The following BTBD2 variants were observed in gnomAD, a reference collection of about 807,000 sequenced individuals.
BTBD2 encodes the protein BTB domain containing 2, also known as BTB/POZ domain-containing protein 2.
In BTBD2, 15 loss-of-function variants were observed where a neutral mutation model predicts 44.0. The ratio of observed to expected loss-of-function variants is 0.34; its 90% confidence interval spans 0.23 to 0.53. The LOEUF (loss-of-function observed/expected upper bound fraction) is 0.53, where lower values mean the gene tolerates loss of function less well. Among genes scored for constraint, BTBD2 ranks in the 20% least tolerant of loss-of-function variants. The pLI is 0.95. For synonymous variants in BTBD2, 443 were observed against 335.9 expected, an observed-to-expected ratio of 1.32 and a Z score of -3.49; for missense variants, 657 against 746.4, an observed-to-expected ratio of 0.88 and a Z score of 1.39.
intron 1 of BTBD2, among the ~76,000 whole-genome samples, chr19:2,001,488 A>C (rs994907607): frequency 6.6e-6 from 1 of 152,130 alleles, no homozygotes; most frequent in African/African-American, 2.4e-5. Context: ...CTGAGACTCC[A>C]TCTCAAAAAG....
chr19:1,987,351 CCT>C lies in BTBD2; in HGVS notation c.1182-100_1182-99del, dbSNP rs2016103044. The C allele has an allele frequency of 5.5e-6, 8 of 1,456,774 alleles. No homozygotes were observed. The South Asian group carries it at 9.8e-5, about 18-fold the overall frequency. 90.2% of individuals were successfully genotyped at this position (1,456,774 alleles called of 1,614,324 possible). On this transcript the variant is annotated intron_variant, in intron 6 of 8. Coordinates refer to ENST00000255608, the MANE Select transcript of BTBD2 (RefSeq NM_017797.4). ...CCCATGCCCGGTCCCCTCCATCGTC[CCT>C]GAGTCCTCCACCCCCATGCCCGGCG...
chr19:1,987,190 G>A lies in BTBD2; in HGVS notation c.1245C>T (p.Pro415=), dbSNP rs775844635. The change falls in exon 7 of 9, where the codon CCC becomes CCT. Residue 415 remains proline (P), a synonymous_variant. Coordinates refer to ENST00000255608, the MANE Select transcript of BTBD2 (RefSeq NM_017797.4). The part of the protein sequence containing the change: ...GFGLYGSIHG[P]TDYQVNIQII... ...CCTGGATGTTCACTTGGTAGTCGGT[G>A]GGCCCGTGGATGGATCCATACAGCC... 20 of 1,613,706 alleles carry A rather than the reference G, an allele frequency of 1.2e-5. No individual in the cohort carries two copies. The highest frequency in any genetic ancestry group is 4.0e-5 in the African/African-American group (3 of 74,882).
At chr19:2,006,832 G>A (rs2016400823) in intron 1 of BTBD2, among the ~76,000 whole-genome samples, 1 of 151,950 alleles carries the variant, frequency 6.6e-6, no homozygotes, top group Non-Finnish European at 1.5e-5. Flanking sequence ...GGGATTACAG[G>A]TGCTCACCAC....
At chr19:1,986,693 G>GGGAT (rs1187386263) in intron 8 of BTBD2, 44 bp from the exon 9 acceptor site, 1 of 1,604,260 alleles carries the variant, frequency 6.2e-7, no homozygotes, top group Admixed American at 1.7e-5. Context: ...CCACCAGGCT[G>GGGAT]GGATGCCCCA....
chr19:1,992,210 G>C (rs1161495154), intron 3 of BTBD2, among the ~76,000 whole-genome samples: 2 of 151,880 alleles, frequency 1.3e-5, no homozygotes, highest in East Asian at 2.0e-4. Flanking sequence ...TTCCTGCTTT[G>C]GTCCCCCAAG....
chr19:2,015,397 C>T lies in BTBD2; in HGVS notation c.307G>A (p.Val103Met). Reference protein sequence around the residue: ...AYNWQASKPTVQERFAFLFNN... With the variant: ...AYNWQASKPTMQERFAFLFNN... ...AAGAGGAAGGCGAAGCGCTCCTGCA[C>T]GGTGGGCTTGCTGGCCTGCCAGTTG... Residue 103 changes from valine (V) to methionine (M), a missense_variant, in exon 1 of 9, where the codon GTG (valine) becomes ATG (methionine). This residue lies in a region of BTBD2 where 191 missense variants were observed against 188.5 expected (regional missense o/e 1.01). Coordinates refer to ENST00000255608, the MANE Select transcript of BTBD2 (RefSeq NM_017797.4). The T allele has an allele frequency of 6.4e-7, 1 of 1,561,784 alleles. No homozygotes were observed. Among genetic ancestry groups the T allele is most frequent in the Non-Finnish European group, 8.6e-7 (1 of 1,162,430 alleles).
intron 1 of BTBD2, among the ~76,000 whole-genome samples, chr19:2,002,142 C>T (rs923394218): frequency 5.9e-5 from 9 of 152,128 alleles, no homozygotes; most frequent in Admixed American, 4.6e-4. Context: ...AGTGCAGTGG[C>T]ACGATCATAG....
chr19:1,992,310 G>A (rs1335067317), intron 3 of BTBD2, among the ~76,000 whole-genome samples: 6 of 152,068 alleles, frequency 3.9e-5, no homozygotes, highest in Non-Finnish European at 5.9e-5. Flanking sequence ...ATGTTGGCCA[G>A]GCTGGTCTCA....
At chr19:1,997,958 T>G (rs1200985087) in intron 1 of BTBD2, among the ~76,000 whole-genome samples, 2 of 152,218 alleles carry the variant, frequency 1.3e-5, no homozygotes, top group Admixed American at 6.5e-5. Context: ...CTCATACACA[T>G]GCACTCATTC....
chr19:1,992,216 C>A (rs1056694711), intron 3 of BTBD2, among the ~76,000 whole-genome samples: 1 of 152,068 alleles, frequency 6.6e-6, no homozygotes. Context: ...CTTTGGTCCC[C>A]CAAGTAGTTG....
At chr19:1,995,867 G>A (rs980746062) in intron 2 of BTBD2, among the ~76,000 whole-genome samples, 1 of 151,884 alleles carries the variant, frequency 6.6e-6, no homozygotes, top group African/African-American at 2.4e-5. Flanking sequence ...ATGTTAGCCA[G>A]CATGGTCTCA....
intron 1 of BTBD2, among the ~76,000 whole-genome samples, chr19:2,006,826 T>C (rs1391095176): frequency 6.6e-6 from 1 of 152,078 alleles, no homozygotes; most frequent in Non-Finnish European, 1.5e-5. Context: ...GTAGCTGGGA[T>C]TACAGGTGCT....
intron 1 of BTBD2, among the ~76,000 whole-genome samples, chr19:2,007,681 C>T (rs1337597479): frequency 6.6e-6 from 1 of 152,130 alleles, no homozygotes; most frequent in Admixed American, 6.6e-5. Context: ...CAAAAATTAG[C>T]CGGGTGTGGT....
At chr19:2,013,307 G>A (rs1008496852) in intron 1 of BTBD2, among the ~76,000 whole-genome samples, 6 of 152,194 alleles carry the variant, frequency 3.9e-5, no homozygotes, top group Non-Finnish European at 7.3e-5. Context: ...CCGGGGAGTG[G>A]AGGGAACCTG....
chr19:1,987,158 G>A lies in BTBD2; in HGVS notation c.1269+8C>T, dbSNP rs754925188. ...GTGGGGCCTGGGGATGAGGCTTGGGGCTGGTACCTGGATGTTCACTTGGTA... is the reference window on the plus strand; with the variant it reads ...GTGGGGCCTGGGGATGAGGCTTGGGACTGGTACCTGGATGTTCACTTGGTA... On this transcript the variant is annotated splice_region_variant and intron_variant, in intron 7 of 8. Coordinates refer to ENST00000255608, the MANE Select transcript of BTBD2 (RefSeq NM_017797.4). The A allele has an allele frequency of 6.2e-7, 1 of 1,613,304 alleles. No individual in the cohort carries two copies. Among genetic ancestry groups the A allele is most frequent in the South Asian group, 1.1e-5 (1 of 91,074 alleles).
chr19:2,009,996 A>ACTAC (rs2016443377), intron 1 of BTBD2, among the ~76,000 whole-genome samples: 2 of 108,908 alleles, frequency 1.8e-5, no homozygotes, highest in Admixed American at 1.9e-4. Flanking sequence ...TCTACTAAAA[A>ACTAC]ATACAATTAG....
At chr19:1,996,044 G>A (rs1370240688) in intron 2 of BTBD2, among the ~76,000 whole-genome samples, 3 of 152,072 alleles carry the variant, frequency 2.0e-5, no homozygotes, top group Admixed American at 6.6e-5. Context: ...AGTTGTGCCT[G>A]TGCTATTTGT....
chr19:1,995,963 G>T (rs1326351983), intron 2 of BTBD2, among the ~76,000 whole-genome samples: 1 of 151,930 alleles, frequency 6.6e-6, no homozygotes, highest in Admixed American at 6.6e-5. Flanking sequence ...CCTGGACTTT[G>T]ATCTATTTGA....
chr19:1,990,774 T>C lies in BTBD2; in HGVS notation c.733A>G (p.Ile245Val). 4 of 1,601,082 alleles carry C rather than the reference T, an allele frequency of 2.5e-6. No homozygotes were observed. The highest frequency in any genetic ancestry group is 1.1e-5 in the South Asian group (1 of 88,712). ...ATGGCGTCTGCAGTGTTTTTGTCGA[T>C]GTTCTCCAGGCACAGGCTGGCCAGC... ...PQLASLCLEN[I>V]DKNTADAITA... Residue 245 changes from isoleucine (I) to valine (V), a missense_variant, in exon 4 of 9, where the codon ATC (isoleucine) becomes GTC (valine). Coordinates refer to ENST00000255608, the MANE Select transcript of BTBD2 (RefSeq NM_017797.4).
Sources: gnomAD v4.1 joint callset for allele counts (sites outside exome capture counted in the v4.1 genomes callset) on GRCh38, gnomAD v4.1.1 for gene constraint, gnomAD v4.1.1 regional missense constraint, MANE v1.5 for transcripts, NCBI Gene and HGNC (gene_info 2026-07-23, HGNC 2026-07-21) for gene names.